LY96: variants seen among roughly 807,000 people sequenced by gnomAD.
The protein encoded by LY96 is myeloid differentiation protein-2.
LY96 carries 18 observed loss-of-function variants against 18.9 expected under a neutral mutation model. That is an observed-to-expected ratio of 0.95 (90% CI 0.66 to 1.41). LY96 has a LOEUF of 1.41. Among genes scored for constraint, LY96 ranks in the 40% most tolerant of loss-of-function variants. The pLI, the probability that LY96 is intolerant of heterozygous loss-of-function variation, is 0.00. For synonymous variants in LY96, 66 were observed against 62.6 expected, an observed-to-expected ratio of 1.06 and a Z score of -0.26; for missense variants, 175 against 182.4, an observed-to-expected ratio of 0.96 and a Z score of 0.23.
At chr8:74,000,088 C>G (rs1176724838) in intron 1 of LY96, among the ~76,000 whole-genome samples, 2 of 152,168 alleles carry the variant, frequency 1.3e-5, no homozygotes, top group Non-Finnish European at 2.9e-5. Context: ...ACCTTGTCCT[C>G]AAAGTCCTAG....
At chr8:74,060,157 A>AACGACG in the LY96 span, among the ~76,000 whole-genome samples, 498 of 152,008 alleles carry the variant, frequency 3.3e-3, 5 homozygotes, top group African/African-American at 0.011. Flanking sequence ...AAACAACAAC[A>AACGACG]ACGACGACGA....
intron 3 of LY96, among the ~76,000 whole-genome samples, chr8:74,010,742 G>A (rs1816513544): frequency 6.6e-6 from 1 of 151,904 alleles, no homozygotes; most frequent in African/African-American, 2.4e-5. Context: ...GAATTTTCCA[G>A]TCCTGTCATC....
chr8:74,012,542 G>C (rs1326385909), intron 3 of LY96, among the ~76,000 whole-genome samples: 3 of 152,060 alleles, frequency 2.0e-5, no homozygotes, highest in African/African-American at 7.2e-5. Flanking sequence ...TGAGGGGGTG[G>C]ATGATGTAAA....
At chr8:74,051,878 A>G in the LY96 span, among the ~76,000 whole-genome samples, 1 of 152,176 alleles carries the variant, frequency 6.6e-6, no homozygotes, top group African/African-American at 2.4e-5. Context: ...ATCCTATTAT[A>G]GCAGTTCATA....
chr8:74,043,892 G>A, the LY96 span, among the ~76,000 whole-genome samples: 1 of 152,144 alleles, frequency 6.6e-6, no homozygotes, highest in Admixed American at 6.5e-5. Flanking sequence ...GAAATGAGAT[G>A]GTGCCACCAT....
the LY96 span, among the ~76,000 whole-genome samples, chr8:74,074,651 C>T: frequency 6.6e-6 from 1 of 152,056 alleles, no homozygotes; most frequent in African/African-American, 2.4e-5. Context: ...TTATTACTGC[C>T]TTCTCTGTAT....
At chr8:74,091,987 C>A in the LY96 span, among the ~76,000 whole-genome samples, 61,965 of 151,990 alleles carry the variant, frequency 0.41, 13,080 homozygotes, top group East Asian at 0.55. Flanking sequence ...TGTCCTCAAC[C>A]TTTCCTTAGA....
the LY96 span, among the ~76,000 whole-genome samples, chr8:74,041,841 CT>C: frequency 1.3e-5 from 2 of 152,170 alleles, no homozygotes; most frequent in Non-Finnish European, 2.9e-5. Flanking sequence ...TCTGTTTTGC[CT>C]TTTGTCCTGT....
At chr8:74,053,858 T>C in the LY96 span, among the ~76,000 whole-genome samples, 1 of 152,200 alleles carries the variant, frequency 6.6e-6, no homozygotes, top group Admixed American at 6.5e-5. Context: ...GGTGGCTTTA[T>C]AAGAGGAAGA....
intron 1 of LY96, among the ~76,000 whole-genome samples, chr8:73,992,420 A>G (rs1401861212): frequency 6.6e-6 from 1 of 152,174 alleles, no homozygotes; most frequent in Non-Finnish European, 1.5e-5. Flanking sequence ...AGGATCTATG[A>G]CCTAATCATC....
intron 2 of LY96, 41 bp from the exon 3 acceptor site, chr8:74,009,960 A>G (rs1320004533): frequency 1.4e-6 from 2 of 1,450,498 alleles, no homozygotes; most frequent in African/African-American, 1.4e-5. Flanking sequence ...GTATAAAAGA[A>G]TCTACTATTT....
chr8:74,080,980 CTCTCTCTTTCTTTCTTTCTT>C, the LY96 span, among the ~76,000 whole-genome samples: 96 of 126,808 alleles, frequency 7.6e-4, no homozygotes, highest in African/African-American at 3.1e-3. Flanking sequence ...TTCTTTCTTT[CTCTCTCTTTCTTTCTTTCTT>C]TCTTTCTTTC....
At chr8:74,057,969 C>G in the LY96 span, among the ~76,000 whole-genome samples, 1 of 152,202 alleles carries the variant, frequency 6.6e-6, no homozygotes, top group Non-Finnish European at 1.5e-5. Context: ...CATGCATTCA[C>G]TTTCTGGGAT....
the LY96 span, among the ~76,000 whole-genome samples, chr8:74,057,805 T>C: frequency 3.9e-5 from 6 of 152,372 alleles, no homozygotes; most frequent in East Asian, 1.9e-4. Flanking sequence ...AACAGCTTAA[T>C]TTCCTTACCT....
the LY96 span, among the ~76,000 whole-genome samples, chr8:74,054,617 C>CTTCTTTTTTTCTTTCTTTCTTTCT: frequency 5.7e-5 from 4 of 70,098 alleles, no homozygotes; most frequent in African/African-American, 2.2e-4. Flanking sequence ...TTTCCTTTTC[C>CTTCTTTTTTTCTTTCTTTCTTTCT]TTCTTTCTTT....
the LY96 span, among the ~76,000 whole-genome samples, chr8:74,044,433 CT>C: frequency 6.6e-5 from 10 of 152,156 alleles, no homozygotes; most frequent in Admixed American, 6.5e-4. Context: ...TCAGGCAATC[CT>C]TCTGCCTTGG....
At chr8:73,999,784 G>A (rs1816226225) in intron 1 of LY96, among the ~76,000 whole-genome samples, 1 of 152,146 alleles carries the variant, frequency 6.6e-6, no homozygotes, top group Non-Finnish European at 1.5e-5. Context: ...CTCCCAAGGT[G>A]CTGAGATTAC....
the LY96 span, among the ~76,000 whole-genome samples, chr8:74,034,145 G>T: frequency 6.6e-6 from 1 of 152,130 alleles, no homozygotes; most frequent in Non-Finnish European, 1.5e-5. Flanking sequence ...GGCCAAGGTG[G>T]GTGGATCACT....
the LY96 span, among the ~76,000 whole-genome samples, chr8:74,078,283 T>A: frequency 6.6e-6 from 1 of 151,660 alleles, no homozygotes; most frequent in African/African-American, 2.4e-5. Context: ...TTCAGTGGAG[T>A]GTGAGGATTT....
Sources: gnomAD v4.1 joint callset for allele counts (sites outside exome capture counted in the v4.1 genomes callset) on GRCh38, gnomAD v4.1.1 for gene constraint, MANE v1.5 for transcripts, NCBI Gene and HGNC (gene_info 2026-07-23, HGNC 2026-07-21) for gene names.